The following BRCA2 variants were observed in gnomAD, a reference collection of about 807,000 sequenced individuals.
The protein encoded by BRCA2 is breast cancer type 2 susceptibility protein.
Under a neutral mutation model 276.7 loss-of-function variants are expected in BRCA2, and 203 were observed. The ratio of observed to expected loss-of-function variants is 0.73; its 90% CI spans 0.65 to 0.82. The LOEUF (loss-of-function observed/expected upper bound fraction) is 0.82, where lower values mean the gene tolerates loss of function less well. BRCA2 is among the 40% of genes least tolerant of loss of function. The pLI is 0.00. For missense variants in BRCA2, 3,920 were observed against 3,915.0 expected (o/e 1.00, Z -0.03); for synonymous variants, 1,289 against 1,338.4 (o/e 0.96, Z 0.81).
intron 20 of BRCA2, 131 bp from the exon 21 acceptor site, chr13:32,376,539 A>G (rs1188455044): frequency 9.3e-7 from 1 of 1,072,580 alleles, no homozygotes; most frequent in African/African-American, 1.6e-5. Context: ...AAAAAAAGAA[A>G]AAACTTTTAG....
intron 9 of BRCA2, 102 bp from the exon 10 acceptor site, chr13:32,332,170 A>G: frequency 8.6e-7 from 1 of 1,164,942 alleles, no homozygotes; most frequent in Non-Finnish European, 1.2e-6. Context: ...TGTAATATTT[A>G]GCACATTCTA....
In BRCA2 at chr13:32,333,271, CATCTT is replaced by C. The variant is rs276174813; in HGVS notation, c.1796_1800del (p.Ser599Ter). On this transcript the variant is annotated frameshift_variant, in exon 10 of 27. Transcript: ENST00000380152. LOFTEE classifies it high-confidence loss of function. ...TTTATTTATGCTATACATGATGAAA[CATCTT>C]ATAAAGGAAAAAAAATACCGAAAGA... is the stretch of plus-strand genomic sequence containing the variant. 4 of 1,606,870 alleles carry C rather than the reference CATCTT, an allele frequency of 2.5e-6. No homozygotes were observed. The highest frequency in any genetic ancestry group is 2.5e-6 in the Non-Finnish European group (3 of 1,177,420).
At position 32,337,217 on chromosome 13, in the gene BRCA2, G is replaced by A. The variant is rs752137159; in HGVS notation, c.2862G>A (p.Glu954=). The A allele has an allele frequency of 6.2e-7, 1 of 1,612,582 alleles. No individual in the cohort carries two copies. Among genetic ancestry groups the A allele is most frequent in the Non-Finnish European group, 8.5e-7 (1 of 1,179,618 alleles). The change falls in exon 11 of 27, where the codon GAG becomes GAA. Residue 954 remains glutamate, a synonymous_variant. Transcript: ENST00000380152. ...KKDLVYVLAE[E]NKNSVKQHIK... ...ATTTGGTTTATGTTCTTGCAGAGGAGAACAAAAATAGTGTAAAGCAGCATA... is the reference window on the plus strand; with the variant it reads ...ATTTGGTTTATGTTCTTGCAGAGGAAAACAAAAATAGTGTAAAGCAGCATA...
intron 16 of BRCA2, among the ~76,000 whole-genome samples, chr13:32,361,017 A>G (rs986599966): frequency 6.6e-6 from 1 of 152,216 alleles, no homozygotes; most frequent in Non-Finnish European, 1.5e-5. Flanking sequence ...GAAGCTTGAG[A>G]TGTAATAGTA....
intron 13 of BRCA2, among the ~76,000 whole-genome samples, chr13:32,350,245 A>G (rs1372844209): frequency 6.6e-6 from 1 of 152,222 alleles, no homozygotes; most frequent in Non-Finnish European, 1.5e-5. Flanking sequence ...CAAAAAACAC[A>G]TTAATGAAAA....
At chr13:32,331,111 C>A in intron 9 of BRCA2, 81 bp downstream of exon 9, 1 of 984,304 alleles carries the variant, frequency 1.0e-6, no homozygotes, top group South Asian at 1.4e-5. Context: ...GAGTCTTGCT[C>A]TGTCACCCGT....
At chr13:32,357,231 A>C (rs2072704459) in intron 15 of BRCA2, among the ~76,000 whole-genome samples, 1 of 152,224 alleles carries the variant, frequency 6.6e-6, no homozygotes, top group Non-Finnish European at 1.5e-5. Flanking sequence ...CTTAACTAGT[A>C]AGTGGAAGTG....
At chr13:32,327,584 G>A (rs548104366) in intron 7 of BRCA2, among the ~76,000 whole-genome samples, 8 of 151,186 alleles carry the variant, frequency 5.3e-5, no homozygotes, top group African/African-American at 1.9e-4. Context: ...GCAGGAGAAT[G>A]GCATGAACCC....
In BRCA2 at chr13:32,357,222, T is replaced by C. The variant is rs899983806; in HGVS notation, c.7618-520T>C. Among the ~76,000 whole-genome samples, 22 of 152,196 alleles carry C rather than the reference T, an allele frequency of 1.4e-4. 1 individual carries two copies. Among genetic ancestry groups the C allele is most frequent in the Non-Finnish European group, 2.6e-4 (18 of 68,028 alleles). On this transcript the variant is annotated intron_variant, in intron 15 of 26. Coordinates refer to ENST00000380152, the MANE Select transcript of BRCA2 (RefSeq NM_000059.4). The stretch of plus-strand genomic sequence containing the variant: ...GGTTAAGTAACTGCCCCAAAGTCAC[T>C]TAACTAGTAAGTGGAAGTGCTATGA...
intron 16 of BRCA2, among the ~76,000 whole-genome samples, chr13:32,361,909 A>T (rs2072739815): frequency 6.6e-6 from 1 of 152,232 alleles, no homozygotes; most frequent in Non-Finnish European, 1.5e-5. Flanking sequence ...ATTTCTAAAA[A>T]AATCTCTTTC....
rs2137449498 is a variant in BRCA2, at chr13:32,326,119, T to C, written c.444T>C (p.Cys148=). Residue 148 remains cysteine, a synonymous_variant, in exon 5 of 27, where the codon TGT becomes TGC. Coordinates refer to ENST00000380152, the MANE Select transcript of BRCA2 (RefSeq NM_000059.4). ...ATTTTAGTCCTGTTGTTCTACAATG[T>C]ACACATGTAACACCACAAAGAGATA... ...CLSESPVVLQ[C]THVTPQRDKS... is the part of the protein sequence containing the mutation. The C allele has an allele frequency of 6.2e-7, 1 of 1,610,420 alleles. No individual in the cohort carries two copies. Among genetic ancestry groups the C allele is most frequent in the South Asian group, 1.1e-5 (1 of 90,850 alleles).
rs150600452 is a variant in BRCA2, at chr13:32,375,396, A to G, written c.8633-1274A>G. 1,829 of 452,572 alleles carry G rather than the reference A, an allele frequency of 4.0e-3. 8 individuals are homozygous for G. The highest frequency in any genetic ancestry group is 4.8e-3 in the Non-Finnish European group (1,089 of 225,800). 28.0% of individuals were successfully genotyped at this position (452,572 alleles called of 1,614,324 possible). On this transcript the variant is annotated intron_variant, in intron 20 of 26. Coordinates refer to ENST00000380152, the MANE Select transcript of BRCA2 (RefSeq NM_000059.4). The stretch of plus-strand genomic sequence containing the variant: ...CCCAAAGTCATCCATGAGGGTTGGA[A>G]TCAACTTCTGGTAAACTTGTTAATG...
intron 15 of BRCA2, 30 bp from the exon 16 acceptor site, chr13:32,357,712 T>G: frequency 6.3e-7 from 1 of 1,595,446 alleles, no homozygotes. Context: ...TAAATTGTTT[T>G]TCTTTTTTGT....
chr13:32,325,189 G>C lies in BRCA2; in HGVS notation c.425+5G>C, dbSNP rs1388671241. The C allele has an allele frequency of 6.6e-7, 1 of 1,519,436 alleles. No homozygotes were observed. The highest frequency in any genetic ancestry group is 9.1e-7 in the Non-Finnish European group (1 of 1,095,980). The allele number at this position is 1,519,436 out of a possible 1,614,324, so 94.1% of individuals were successfully genotyped here. A position where few individuals can be genotyped will look rare whatever the true frequency, so the allele number is the denominator to read the frequency against. On this transcript the variant is annotated splice_donor_5th_base_variant and intron_variant, in intron 4 of 26. Transcript: ENST00000380152. ...AAATTCTTGTCTTAGTGAAAGGTAT[G>C]ATGAAGCTATTATATTAAAATATTT... is the stretch of plus-strand genomic sequence containing the variant.
Position 32,354,151 on chromosome 13 carries a change from T to C in BRCA2, c.7008-710T>C, listed in dbSNP as rs1259576882. On this transcript the variant is annotated intron_variant, in intron 13 of 26. Coordinates refer to ENST00000380152, the MANE Select transcript of BRCA2 (RefSeq NM_000059.4). Reference sequence around the variant, plus strand: ...AGGAAAATGTAAACTGTCATAGCTATTAGGAAAGTTGAGTAGAATGAGTTT... The same window carrying C: ...AGGAAAATGTAAACTGTCATAGCTACTAGGAAAGTTGAGTAGAATGAGTTT... 2.0e-5 allele frequency among the ~76,000 whole-genome samples: 3 copies of C among 152,260 alleles called. No individual in the cohort carries two copies. The East Asian group carries it at 5.8e-4, about 29-fold the overall frequency.
chr13:32,359,507 T>G (rs2072724835), intron 16 of BRCA2, among the ~76,000 whole-genome samples: 1 of 152,196 alleles, frequency 6.6e-6, no homozygotes, highest in South Asian at 2.1e-4. Context: ...AGAGATATAT[T>G]ACATTATGCC....
At chr13:32,323,703 A>G (rs2072323122) in intron 3 of BRCA2, among the ~76,000 whole-genome samples, 1 of 152,210 alleles carries the variant, frequency 6.6e-6, no homozygotes, top group African/African-American at 2.4e-5. Flanking sequence ...AGTAACATTG[A>G]TAGAGCTTAT....
Position 32,363,613 on chromosome 13 carries a change from G to A in BRCA2, c.8331+80G>A, listed in dbSNP as rs948075656. ...GAAGTTTTACATTTAAATTTTAAATGCTTACTAAGGATGCTCAATTTCTTA... is the reference window on the plus strand; with the variant it reads ...GAAGTTTTACATTTAAATTTTAAATACTTACTAAGGATGCTCAATTTCTTA... On this transcript the variant is annotated intron_variant, in intron 18 of 26. Coordinates refer to ENST00000380152, the MANE Select transcript of BRCA2 (RefSeq NM_000059.4). 2.4e-5 allele frequency: 30 copies of A among 1,265,790 alleles called. No individual in the cohort carries two copies. The African/African-American group carries it at 4.2e-4, about 18-fold the overall frequency. 78.4% of individuals were successfully genotyped at this position (1,265,790 alleles called of 1,614,324 possible). A position where few individuals can be genotyped will look rare whatever the true frequency, so the allele number is the denominator to read the frequency against.
chr13:32,318,238 G>C (rs2072277635), intron 2 of BRCA2, among the ~76,000 whole-genome samples: 1 of 152,168 alleles, frequency 6.6e-6, no homozygotes, highest in Non-Finnish European at 1.5e-5. Flanking sequence ...AAAGGGAAAT[G>C]ATTCCATAGC....
Sources: allele counts gnomAD v4.1 joint callset (sites outside exome capture counted in the v4.1 genomes callset), GRCh38; gene constraint gnomAD v4.1.1; transcripts MANE v1.5; gene names NCBI Gene and HGNC (gene_info 2026-07-23, HGNC 2026-07-21).